OPCML: variants seen among roughly 807,000 people sequenced by gnomAD.
OPCML encodes the protein opioid-binding protein/cell adhesion molecule.
A neutral mutation model predicts 37.8 loss-of-function variants in OPCML; 13 were observed. That is an observed-to-expected ratio of 0.34 (90% CI 0.22 to 0.55). The LOEUF (loss-of-function observed/expected upper bound fraction) is 0.55, where lower values mean the gene tolerates loss of function less well. OPCML is among the 20% of genes least tolerant of loss of function. The pLI, the probability that OPCML is intolerant of heterozygous loss-of-function variation, is 0.91. For synonymous variants in OPCML, 176 were observed against 168.8 expected (o/e 1.04, Z -0.33); for missense variants, 341 against 435.6 (o/e 0.78, Z 1.93).
At chr11:132,806,216 C>T (rs975361093) in intron 2 of OPCML, among the ~76,000 whole-genome samples, 6 of 152,002 alleles carry the variant, frequency 3.9e-5, no homozygotes, top group African/African-American at 1.4e-4. Flanking sequence ...ATAAAACATA[C>T]AAACAAAAAA....
intron 2 of OPCML, among the ~76,000 whole-genome samples, chr11:132,724,144 A>G (rs1049129054): frequency 2.6e-5 from 4 of 152,094 alleles, no homozygotes; most frequent in Non-Finnish European, 5.9e-5. Context: ...AGGTCAGAGC[A>G]TGTCCAGGAA....
rs1469885299 is a variant in OPCML at position 133,095,731 on chromosome 11, CCTTAT to C, written c.62-152726_62-152722del. 1.5e-4 allele frequency among the ~76,000 whole-genome samples: 23 copies of C among 150,540 alleles called. 1 individual carries two copies. The highest frequency in any genetic ancestry group is 3.0e-5 in the Non-Finnish European group (2 of 67,562). ...AAAAAAAAATCAGAGGAAAAGACCA[CCTTAT>C]CTACAGAGGAGAAAAGATAAAAATT... is the stretch of plus-strand genomic sequence containing the variant. On this transcript the variant is annotated intron_variant, in intron 1 of 7. Coordinates refer to ENST00000524381, the MANE Select transcript of OPCML (RefSeq NM_001012393.5).
intron 2 of OPCML, among the ~76,000 whole-genome samples, chr11:132,761,434 C>T (rs1946262924): frequency 6.6e-6 from 1 of 152,088 alleles, no homozygotes; most frequent in South Asian, 2.1e-4. Context: ...CCGTCAGTTT[C>T]ATATACACCT....
chr11:132,474,105 C>T (rs914195881), intron 4 of OPCML, among the ~76,000 whole-genome samples: 1 of 152,098 alleles, frequency 6.6e-6, no homozygotes, highest in Admixed American at 6.5e-5. Context: ...GAGGGGACGA[C>T]TGGCCTACAT....
chr11:133,237,500 G>A (rs1192423326), intron 1 of OPCML, among the ~76,000 whole-genome samples: 3 of 152,218 alleles, frequency 2.0e-5, no homozygotes. Context: ...TAGATGGAGA[G>A]AATGGAGTGA....
At chr11:133,126,386 C>T (rs898630412) in intron 1 of OPCML, among the ~76,000 whole-genome samples, 4 of 152,104 alleles carry the variant, frequency 2.6e-5, no homozygotes, top group South Asian at 2.1e-4. Flanking sequence ...TCAGTTTCAG[C>T]GCTCATCTCT....
chr11:133,244,811 G>A (rs1940862681), intron 1 of OPCML, among the ~76,000 whole-genome samples: 1 of 152,212 alleles, frequency 6.6e-6, no homozygotes, highest in Non-Finnish European at 1.5e-5. Context: ...CTGTACAGCT[G>A]TTGAAGCTGG....
chr11:132,997,480 G>C (rs555473767), intron 1 of OPCML, among the ~76,000 whole-genome samples: 1 of 152,306 alleles, frequency 6.6e-6, no homozygotes, highest in East Asian at 1.9e-4. Context: ...CTTTTCATCT[G>C]CATCTGATTG....
intron 1 of OPCML, among the ~76,000 whole-genome samples, chr11:133,417,710 C>T (rs1945799295): frequency 6.6e-6 from 1 of 151,030 alleles, no homozygotes; most frequent in Non-Finnish European, 1.5e-5. Context: ...GTTCAATTCC[C>T]ACCTCTGAGT....
chr11:132,845,635 A>T (rs1471447525), intron 2 of OPCML, among the ~76,000 whole-genome samples: 1 of 151,694 alleles, frequency 6.6e-6, no homozygotes, highest in African/African-American at 2.4e-5. Context: ...GAATTCTCTC[A>T]CTCTGTCCTG....
chr11:132,891,690 A>G (rs1943654772), intron 2 of OPCML, among the ~76,000 whole-genome samples: 1 of 152,226 alleles, frequency 6.6e-6, no homozygotes. Context: ...GCTCATTGAA[A>G]GTTTGCTGAA....
chr11:133,199,529 C>T lies in OPCML; in HGVS notation c.62-256519G>A, dbSNP rs575960880. On this transcript the variant is annotated intron_variant, in intron 1 of 7. Coordinates refer to ENST00000524381, the MANE Select transcript of OPCML (RefSeq NM_001012393.5). ...TGGATAGATGAGCTAAACAAGTCAA[C>T]CCTCTATCTTGCAAAAGGACTGAGG... Among the ~76,000 whole-genome samples, 23 of 152,224 alleles carry T rather than the reference C, an allele frequency of 1.5e-4. 1 individual carries two copies. In the South Asian group the frequency reaches 3.7e-3, roughly 25 times the overall value.
intron 4 of OPCML, among the ~76,000 whole-genome samples, chr11:132,516,002 A>G (rs1383177417): frequency 6.6e-6 from 1 of 152,140 alleles, no homozygotes; most frequent in East Asian, 1.9e-4. Flanking sequence ...AGTCATCCCA[A>G]CTCTTGTTAT....
intron 2 of OPCML, among the ~76,000 whole-genome samples, chr11:132,942,680 C>A (rs141809387): frequency 6.6e-6 from 1 of 152,268 alleles, no homozygotes; most frequent in Non-Finnish European, 1.5e-5. Context: ...TTCAAAGAAC[C>A]ATGGAGTCCC....
intron 1 of OPCML, among the ~76,000 whole-genome samples, chr11:133,522,382 C>T (rs1948412726): frequency 6.6e-6 from 1 of 152,204 alleles, no homozygotes; most frequent in Non-Finnish European, 1.5e-5. Flanking sequence ...TGAACATATT[C>T]TTCTGCATAT....
At chr11:133,073,381 G>A (rs1379208741) in intron 1 of OPCML, among the ~76,000 whole-genome samples, 1 of 152,258 alleles carries the variant, frequency 6.6e-6, no homozygotes, top group Non-Finnish European at 1.5e-5. Context: ...TGCTGGGAAT[G>A]GTGGATTTCC....
chr11:133,467,169 A>G (rs913742056), intron 1 of OPCML, among the ~76,000 whole-genome samples: 2 of 152,214 alleles, frequency 1.3e-5, no homozygotes, highest in African/African-American at 2.4e-5. Context: ...GTGGCTTCCT[A>G]CAAGCGCACT....
In OPCML at chr11:133,028,524, C is replaced by CGT. The variant is rs10541354; in HGVS notation, c.62-85516_62-85515dup. On this transcript the variant is annotated intron_variant, in intron 1 of 7. Coordinates refer to ENST00000524381, the MANE Select transcript of OPCML (RefSeq NM_001012393.5). ...AAGGTTTCAGTTGTTTGATAAGGAG[C>CGT]GTGTGTGTGTGTGTGTGTGTGTGTG... Among the ~76,000 whole-genome samples, 809 of 147,216 alleles carry CGT rather than the reference C, an allele frequency of 5.5e-3. 8 individuals carry two copies. The highest frequency in any genetic ancestry group is 0.039 in the East Asian group (194 of 4,952).
At chr11:133,310,281 A>G (rs935341388) in intron 1 of OPCML, among the ~76,000 whole-genome samples, 84 of 152,304 alleles carry the variant, frequency 5.5e-4, no homozygotes, top group African/African-American at 1.9e-3. Flanking sequence ...ATATGTTTGC[A>G]TGCACAAATT....
Sources: gnomAD v4.1 joint callset for allele counts (sites outside exome capture counted in the v4.1 genomes callset) on GRCh38, gnomAD v4.1.1 for gene constraint, MANE v1.5 for transcripts, NCBI Gene and HGNC (gene_info 2026-07-23, HGNC 2026-07-21) for gene names.